The following ABCB4 variants were observed in gnomAD, a reference collection of about 807,000 sequenced individuals.
The protein encoded by ABCB4 is ATP binding cassette subfamily B member 4, also known as phosphatidylcholine translocator ABCB4.
ABCB4 carries 76 observed loss-of-function variants against 145.7 expected under a neutral mutation model. The observed-to-expected ratio is 0.52, with a 90% CI of 0.43 to 0.63. The LOEUF (loss-of-function observed/expected upper bound fraction) is 0.63, where lower values mean the gene tolerates loss of function less well. ABCB4 is among the 30% of genes least tolerant of loss of function. The pLI, the probability that ABCB4 is intolerant of heterozygous loss-of-function variation, is 0.00. For synonymous variants in ABCB4, 517 were observed against 566.8 expected, an observed-to-expected ratio of 0.91 and a Z score of 1.25; for missense variants, 1,234 against 1,553.1, an observed-to-expected ratio of 0.79 and a Z score of 3.45.
intron 15 of ABCB4, among the ~76,000 whole-genome samples, chr7:87,429,216 T>C (rs1481034071): frequency 6.6e-6 from 1 of 152,112 alleles, no homozygotes; most frequent in Non-Finnish European, 1.5e-5. Context: ...AAATGGGAAA[T>C]GTGGGGGTAC....
intron 3 of ABCB4, among the ~76,000 whole-genome samples, chr7:87,467,232 A>G (rs991429091): frequency 6.6e-6 from 1 of 152,218 alleles, no homozygotes; most frequent in Non-Finnish European, 1.5e-5. Flanking sequence ...AAAACAAAAA[A>G]AGGCAGGGAT....
At chr7:87,429,282 A>G (rs1418053401) in intron 15 of ABCB4, among the ~76,000 whole-genome samples, 3 of 152,230 alleles carry the variant, frequency 2.0e-5, no homozygotes, top group Non-Finnish European at 4.4e-5. Flanking sequence ...GCTGGTAGAA[A>G]TATCAGAGGT....
chr7:87,423,968 A>C lies in ABCB4; in HGVS notation c.2149T>G (p.Cys717Gly). 6.2e-7 allele frequency: 1 copy of C among 1,614,094 alleles called. No homozygotes were observed. Among genetic ancestry groups the C allele is most frequent in the Non-Finnish European group, 8.5e-7 (1 of 1,179,984 alleles). ...EWPYFVVGTV[C>G]AIANGGLQPA... ...TGAAGCCCCCCATTGGCAATGGCAC[A>C]TACTGTTCCCACGACAAAGTAGGGC... Residue 717 changes from cysteine to glycine, a missense_variant, in exon 17 of 28, where the codon TGT (cysteine) becomes GGT (glycine). This residue lies in a region of ABCB4 where 321 missense variants were observed against 332.6 expected (regional missense o/e 0.97). Transcript: ENST00000649586.
the ABCB4 span, among the ~76,000 whole-genome samples, chr7:87,374,718 T>G: frequency 6.6e-6 from 1 of 152,068 alleles, no homozygotes; most frequent in Non-Finnish European, 1.5e-5. Flanking sequence ...GAAATGTATT[T>G]CTTTATCAGT....
chr7:87,452,835 A>G, intron 6 of ABCB4, 109 bp downstream of exon 6: 1 of 1,236,898 alleles, frequency 8.1e-7, no homozygotes, highest in East Asian at 2.4e-5. Flanking sequence ...TTTCTAATAT[A>G]GATCAGATGC....
intron 14 of ABCB4, among the ~76,000 whole-genome samples, chr7:87,436,280 T>C: frequency 6.6e-6 from 1 of 151,664 alleles, no homozygotes. Context: ...AGCAAAAATC[T>C]CTGAAAGATT....
chr7:87,394,884 G>A, the ABCB4 span, among the ~76,000 whole-genome samples: 3 of 152,078 alleles, frequency 2.0e-5, no homozygotes, highest in African/African-American at 2.4e-5. Flanking sequence ...AACAGGAGAA[G>A]TAGAGGCAGC....
intron 6 of ABCB4, 116 bp downstream of exon 6, chr7:87,452,828 C>T (rs1021954262): frequency 4.2e-5 from 51 of 1,208,730 alleles, no homozygotes; most frequent in Admixed American, 7.7e-5. Flanking sequence ...TGATCGATTT[C>T]TAATATAGAT....
chr7:87,398,572 G>A (rs148440761), downstream of ABCB4: 36 of 1,613,524 alleles, frequency 2.2e-5, no homozygotes, highest in Middle Eastern at 3.3e-4. Flanking sequence ...AGACTGATGC[G>A]GAAAAGCTAG....
chr7:87,438,902 G>GT (rs905643779), intron 14 of ABCB4, among the ~76,000 whole-genome samples: 73 of 152,284 alleles, frequency 4.8e-4, no homozygotes, highest in African/African-American at 1.7e-3. Flanking sequence ...CTCTTAAATT[G>GT]TAAGAGGTGG....
At chr7:87,425,240 C>T (rs907731583) in intron 16 of ABCB4, among the ~76,000 whole-genome samples, 1 of 152,088 alleles carries the variant, frequency 6.6e-6, no homozygotes, top group Non-Finnish European at 1.5e-5. Flanking sequence ...GCATTTCCTG[C>T]CTCCCCCTCT....
intron 23 of ABCB4, among the ~76,000 whole-genome samples, chr7:87,409,734 TG>T (rs1808473944): frequency 6.6e-6 from 1 of 152,230 alleles, no homozygotes; most frequent in Admixed American, 6.5e-5. Context: ...TTTTAGTTGC[TG>T]GTTATACTCT....
chr7:87,381,266 A>T, the ABCB4 span, among the ~76,000 whole-genome samples: 1 of 152,192 alleles, frequency 6.6e-6, no homozygotes, highest in Non-Finnish European at 1.5e-5. Flanking sequence ...ATGCGGGCAA[A>T]AACTTTGTTC....
At chr7:87,471,475 G>T (rs1229532046) in intron 3 of ABCB4, among the ~76,000 whole-genome samples, 1 of 151,360 alleles carries the variant, frequency 6.6e-6, no homozygotes, top group Non-Finnish European at 1.5e-5. Flanking sequence ...TTTTTAAATT[G>T]CCCTTACTGA....
At chr7:87,385,395 GA>G in the ABCB4 span, among the ~76,000 whole-genome samples, 1 of 151,770 alleles carries the variant, frequency 6.6e-6, no homozygotes, top group East Asian at 1.9e-4. Context: ...TCCTTGTATT[GA>G]TTTTTTTACT....
the ABCB4 span, among the ~76,000 whole-genome samples, chr7:87,396,112 A>G: frequency 6.6e-6 from 1 of 152,172 alleles, no homozygotes; most frequent in Non-Finnish European, 1.5e-5. Context: ...GGCAAAAAAA[A>G]GTGGAGGGTG....
intron 17 of ABCB4, 76 bp from the exon 18 acceptor site, chr7:87,422,301 T>C: frequency 1.8e-6 from 2 of 1,138,186 alleles, no homozygotes; most frequent in Non-Finnish European, 2.6e-6. Context: ...AATAGTGGCT[T>C]GAGTGTCACA....
chr7:87,399,138 A>T (rs1445077930), downstream of ABCB4: 1 of 155,912 alleles, frequency 6.4e-6, no homozygotes, highest in Non-Finnish European at 1.4e-5. Flanking sequence ...CAAGCCTGTT[A>T]TGTTTGATGG....
intron 20 of ABCB4, among the ~76,000 whole-genome samples, chr7:87,417,782 G>T (rs1232721784): frequency 6.6e-6 from 1 of 152,178 alleles, no homozygotes; most frequent in Non-Finnish European, 1.5e-5. Flanking sequence ...TTGTGGATGG[G>T]CACTGGGGGT....
Sources: gnomAD v4.1 joint callset for allele counts (sites outside exome capture counted in the v4.1 genomes callset) on GRCh38, gnomAD v4.1.1 for gene constraint, gnomAD v4.1.1 regional missense constraint, MANE v1.5 for transcripts, NCBI Gene and HGNC (gene_info 2026-07-23, HGNC 2026-07-21) for gene names.